The following TMEM212 variants were observed in gnomAD, a reference collection of about 807,000 sequenced individuals.
TMEM212 encodes transmembrane protein 212.
In TMEM212, 23 loss-of-function variants were observed where a neutral mutation model predicts 20.5. The ratio of observed to expected loss-of-function variants is 1.12; its 90% CI spans 0.81 to 1.59. TMEM212 has a LOEUF of 1.59. Among genes scored for constraint, TMEM212 ranks in the 40% most tolerant of loss-of-function variants. TMEM212 has a pLI of 0.00. For missense variants in TMEM212, 211 were observed against 215.0 expected, an observed-to-expected ratio of 0.98 and a Z score of 0.12; for synonymous variants, 76 against 81.6, an observed-to-expected ratio of 0.93 and a Z score of 0.37.
At position 171,851,800 on chromosome 3, in the gene TMEM212, T is replaced by A. The variant is rs894736197; in HGVS notation, c.160-182T>A. Among the ~76,000 whole-genome samples, 67 of 152,366 alleles carry A rather than the reference T, an allele frequency of 4.4e-4. 1 individual carries two copies. The highest frequency in any genetic ancestry group is 2.4e-4 in the Non-Finnish European group (16 of 68,028). On this transcript the variant is annotated intron_variant, in intron 1 of 4. Coordinates refer to ENST00000334567, the MANE Select transcript of TMEM212 (RefSeq NM_001164436.2). ...ATCATGTCTTTATGACACTAATGGC[T>A]TACTTTCCTCGTCATCACAGTTTTT...
At chr3:171,843,990 C>A (rs953188362) in intron 1 of TMEM212, among the ~76,000 whole-genome samples, 2 of 152,028 alleles carry the variant, frequency 1.3e-5, no homozygotes, top group African/African-American at 4.8e-5. Context: ...ATTTACAAAC[C>A]CCAAATATTT....
intron 2 of TMEM212, 53 bp from the exon 3 acceptor site, chr3:171,853,474 C>G: frequency 6.2e-6 from 9 of 1,443,424 alleles, no homozygotes; most frequent in Non-Finnish European, 7.4e-6. Context: ...TGCTAAGAAG[C>G]CTTTGAAATA....
intron 1 of TMEM212, among the ~76,000 whole-genome samples, chr3:171,845,954 C>A (rs547581724): frequency 6.6e-6 from 1 of 152,144 alleles, no homozygotes; most frequent in Non-Finnish European, 1.5e-5. Context: ...TAATACTATG[C>A]CTTTCATTTG....
chr3:171,844,150 C>T (rs1724780392), intron 1 of TMEM212, among the ~76,000 whole-genome samples: 1 of 152,146 alleles, frequency 6.6e-6, no homozygotes, highest in Non-Finnish European at 1.5e-5. Flanking sequence ...CAGCGTACGA[C>T]ACTAAGTAGT....
At position 171,843,393 on chromosome 3, in the gene TMEM212, C is replaced by T; in HGVS notation, c.10C>T (p.Leu4Phe). 6.5e-7 allele frequency: 1 copy of T among 1,535,512 alleles called. No homozygotes were observed. Among genetic ancestry groups the T allele is most frequent in the Non-Finnish European group, 8.7e-7 (1 of 1,146,056 alleles). The change falls in exon 1 of 5, where the codon CTC becomes TTC. Residue 4 changes from leucine (L) to phenylalanine (F), a missense_variant. By Grantham distance (22) the Leu-to-Phe change is conservative. Transcript: ENST00000334567. ...CAAGCCACCAAGGAAAATGAAGGGC[C>T]TCTACCAGGCTGCTGGCCGGATTCT... is the stretch of plus-strand genomic sequence containing the variant. MKGLYQAAGRILVT... is the reference protein window; with the variant it reads MKGFYQAAGRILVT...
chr3:171,856,612 G>A (rs1725123427), intron 3 of TMEM212, 51 bp from the exon 4 acceptor site: 1 of 651,826 alleles, frequency 1.5e-6, no homozygotes. Context: ...CAGAATCATA[G>A]GACTATTTAA....
chr3:171,849,007 A>G (rs998140538), intron 1 of TMEM212, among the ~76,000 whole-genome samples: 5 of 151,928 alleles, frequency 3.3e-5, no homozygotes, highest in African/African-American at 1.2e-4. Context: ...GACGTGCTAG[A>G]CTGCATTGTG....
chr3:171,851,927 C>T, intron 1 of TMEM212, 55 bp from the exon 2 acceptor site: 4 of 1,473,476 alleles, frequency 2.7e-6, no homozygotes, highest in Non-Finnish European at 1.8e-6. Flanking sequence ...AGATTGAACT[C>T]TTTCCAGAGG....
At position 171,843,472 on chromosome 3, in the gene TMEM212, T is replaced by A; in HGVS notation, c.89T>A (p.Val30Asp). The A allele has an allele frequency of 6.5e-7, 1 of 1,537,194 alleles. No homozygotes were observed. The highest frequency in any genetic ancestry group is 1.4e-5 in the African/African-American group (1 of 73,188). ...VCSGVIAFFP[V>D]FSYKPWFTGW... is the part of the protein sequence containing the mutation. ...TCTGGAGTTATTGCTTTCTTTCCTG[T>A]CTTTTCTTACAAGCCTTGGTTCACA... Residue 30 changes from valine (V) to aspartate (D), a missense_variant, in exon 1 of 5, where the codon GTC becomes GAC. By Grantham distance (152) the Val-to-Asp change is radical. Coordinates refer to ENST00000334567, the MANE Select transcript of TMEM212 (RefSeq NM_001164436.2).
chr3:171,847,412 TTCC>T (rs1188466218), intron 1 of TMEM212, among the ~76,000 whole-genome samples: 1 of 152,220 alleles, frequency 6.6e-6, no homozygotes, highest in African/African-American at 2.4e-5. Flanking sequence ...GTTCTGCCCC[TTCC>T]TCGACGGTTA....
chr3:171,858,280 C>A lies in TMEM212; in HGVS notation c.*223C>A, dbSNP rs1190753119. 1 of 152,184 alleles carries A rather than the reference C, an allele frequency of 6.6e-6. No individual in the cohort carries two copies. The highest frequency in any genetic ancestry group is 1.9e-4 in the East Asian group (1 of 5,186). The allele number at this position is 152,184 out of a possible 1,614,324, so 9.4% of individuals were successfully genotyped here. A position where few individuals can be genotyped will look rare whatever the true frequency, so the allele number is the denominator to read the frequency against. ...AGAAATAACACCACACATATACAAC[C>A]ATCTGATCTTTGACAAACCTGACAA... On this transcript the variant is annotated 3_prime_UTR_variant, in exon 5 of 5. Transcript: ENST00000334567.
At chr3:171,847,151 A>G (rs1479612641) in intron 1 of TMEM212, among the ~76,000 whole-genome samples, 1 of 152,250 alleles carries the variant, frequency 6.6e-6, no homozygotes, top group Non-Finnish European at 1.5e-5. Context: ...ATCAGCTGCT[A>G]GCAAGTATTC....
At chr3:171,856,975 AAAG>A (rs1725133624) in intron 4 of TMEM212, 1 of 278,200 alleles carries the variant, frequency 3.6e-6, no homozygotes, top group Non-Finnish European at 6.8e-6. Flanking sequence ...CTAAGCCCAC[AAAG>A]TATAGGGTAG....
At position 171,843,786 on chromosome 3, in the gene TMEM212, G is replaced by A. The variant is rs562557970; in HGVS notation, c.159+244G>A. 5.3e-5 allele frequency among the ~76,000 whole-genome samples: 8 copies of A among 152,196 alleles called. No individual in the cohort carries two copies. The East Asian group carries it at 1.5e-3, about 29-fold the overall frequency. ...GTATTTTTAATGACATGCTGCTCAA[G>A]AAATTCTTAAAAAGTTATTTTATTT... On this transcript the variant is annotated intron_variant, in intron 1 of 4. Transcript: ENST00000334567.
At chr3:171,846,323 C>T (rs1578513455) in intron 1 of TMEM212, among the ~76,000 whole-genome samples, 1 of 152,192 alleles carries the variant, frequency 6.6e-6, no homozygotes, top group African/African-American at 2.4e-5. Context: ...TCCCCTGACC[C>T]CAACTGGTGT....
chr3:171,846,594 G>A (rs944979022), intron 1 of TMEM212, among the ~76,000 whole-genome samples: 15 of 152,114 alleles, frequency 9.9e-5, no homozygotes, highest in Non-Finnish European at 1.6e-4. Flanking sequence ...CATACCCTCC[G>A]TTCTGTTGGT....
intron 1 of TMEM212, among the ~76,000 whole-genome samples, chr3:171,848,712 T>C (rs1239089060): frequency 6.6e-6 from 1 of 151,714 alleles, no homozygotes; most frequent in South Asian, 2.1e-4. Context: ...AAAATTTGTA[T>C]ATCTTTTATA....
chr3:171,858,903 A>G lies in TMEM212; in HGVS notation c.*846A>G, dbSNP rs1725183276. On this transcript the variant is annotated 3_prime_UTR_variant, in exon 5 of 5. Coordinates refer to ENST00000334567, the MANE Select transcript of TMEM212 (RefSeq NM_001164436.2). ...TAGTAAAGACTTGGAACCAACCCAA[A>G]TATCCATCAATGATAGATTGGATTA... The G allele has an allele frequency of 6.6e-6, 1 of 152,206 alleles. No homozygotes were observed. Among genetic ancestry groups the G allele is most frequent in the South Asian group, 2.1e-4 (1 of 4,834 alleles). The allele number at this position is 152,206 out of a possible 1,614,324, so 9.4% of individuals were successfully genotyped here. A position where few individuals can be genotyped will look rare whatever the true frequency, so the allele number is the denominator to read the frequency against.
intron 4 of TMEM212, chr3:171,856,974 CA>C (rs1725133121): frequency 3.6e-6 from 1 of 279,796 alleles, no homozygotes; most frequent in South Asian, 1.1e-4. Context: ...CCTAAGCCCA[CA>C]AAGTATAGGG....
Sources: allele counts gnomAD v4.1 joint callset (sites outside exome capture counted in the v4.1 genomes callset), GRCh38; gene constraint gnomAD v4.1.1; transcripts MANE v1.5; gene names NCBI Gene and HGNC (gene_info 2026-07-23, HGNC 2026-07-21).